Variants in CDK13 observed in about 807,000 individuals in gnomAD.
CDK13 encodes the protein cyclin dependent kinase 13, also known as cyclin-dependent kinase 13.
CDK13 carries 40 observed loss-of-function variants against 137.6 expected under a neutral mutation model. The observed-to-expected ratio is 0.29, with a 90% CI of 0.23 to 0.38. The LOEUF is 0.38. Ranked by LOEUF, CDK13 falls within the 10% of genes least tolerant of loss-of-function variation. The pLI is 1.00. For synonymous variants in CDK13, 869 were observed against 760.1 expected, an observed-to-expected ratio of 1.14 and a Z score of -2.36; for missense variants, 1,704 against 1,951.8, an observed-to-expected ratio of 0.87 and a Z score of 2.39.
intron 1 of CDK13, among the ~76,000 whole-genome samples, chr7:39,965,084 AAAG>A (rs951545663): frequency 6.6e-6 from 1 of 152,190 alleles, no homozygotes; most frequent in Non-Finnish European, 1.5e-5. Context: ...GTGGTGCTGA[AAAG>A]AATGTATATT....
At chr7:40,091,008 C>T (rs537935329) in intron 12 of CDK13, among the ~76,000 whole-genome samples, 30 of 151,164 alleles carry the variant, frequency 2.0e-4, no homozygotes, top group South Asian at 4.2e-4. Flanking sequence ...GTCAGGAGTT[C>T]GAGACCAGCC....
intron 13 of CDK13, among the ~76,000 whole-genome samples, chr7:40,093,754 T>A (rs17538300): frequency 5.9e-5 from 9 of 152,056 alleles, no homozygotes; most frequent in East Asian, 1.9e-4. Flanking sequence ...CAATTTTTTT[T>A]AATTAACTGG....
chr7:40,021,146 C>T (rs946999063), intron 5 of CDK13, among the ~76,000 whole-genome samples: 32 of 151,112 alleles, frequency 2.1e-4, no homozygotes, highest in Middle Eastern at 3.4e-3. Flanking sequence ...CACACACACA[C>T]ACACATAAAG....
intron 5 of CDK13, among the ~76,000 whole-genome samples, chr7:40,034,199 GT>G (rs1785436556): frequency 1.3e-5 from 2 of 152,150 alleles, no homozygotes; most frequent in Admixed American, 1.3e-4. Flanking sequence ...CTCCAGCTTG[GT>G]TTAGGCTTTC....
chr7:40,078,272 A>G (rs1786589877), intron 10 of CDK13, 151 bp downstream of exon 10: 1 of 436,776 alleles, frequency 2.3e-6, no homozygotes, highest in Admixed American at 4.3e-5. Flanking sequence ...CTACATGCAG[A>G]TTACCATTTT....
At chr7:40,043,898 ATTTTTTTT>A (rs3045302) in intron 5 of CDK13, among the ~76,000 whole-genome samples, 1 of 137,736 alleles carries the variant, frequency 7.3e-6, no homozygotes, top group Non-Finnish European at 1.5e-5. Flanking sequence ...ATTTTGTATA[ATTTTTTTT>A]TTTTTTTTGA....
At chr7:40,068,707 G>GAAAAAAAA in intron 9 of CDK13, among the ~76,000 whole-genome samples, 1 of 47,082 alleles carries the variant, frequency 2.1e-5, no homozygotes, top group Non-Finnish European at 3.9e-5. Context: ...CTATGTCTCA[G>GAAAAAAAA]AAAAAAAAAA....
At chr7:39,956,103 A>G in intron 1 of CDK13, among the ~76,000 whole-genome samples, 1 of 152,252 alleles carries the variant, frequency 6.6e-6, no homozygotes, top group East Asian at 1.9e-4. Flanking sequence ...TAATGAAAAA[A>G]AAACTCAAAA....
intron 9 of CDK13, among the ~76,000 whole-genome samples, chr7:40,068,668 T>C (rs1384570238): frequency 7.9e-6 from 1 of 126,500 alleles, no homozygotes; most frequent in Non-Finnish European, 1.5e-5. Context: ...ATTGTGCCAC[T>C]GCACTCCAGC....
At chr7:40,072,494 A>G (rs748871294) in intron 9 of CDK13, 1 of 152,234 alleles carries the variant, frequency 6.6e-6, no homozygotes, top group Non-Finnish European at 1.5e-5. Flanking sequence ...AATGAAGACT[A>G]CATCCTGTTA....
At chr7:40,090,802 G>T (rs1251880011) in intron 12 of CDK13, among the ~76,000 whole-genome samples, 1 of 152,214 alleles carries the variant, frequency 6.6e-6, no homozygotes, top group Admixed American at 6.5e-5. Context: ...AGCCTAGGAG[G>T]TCGAGACTGC....
chr7:39,950,357 G>A lies in CDK13; in HGVS notation c.-285G>A. 1 of 1,189,972 alleles carries A rather than the reference G, an allele frequency of 8.4e-7. No individual in the cohort carries two copies. Among genetic ancestry groups the A allele is most frequent in the Non-Finnish European group, 1.0e-6 (1 of 961,552 alleles). 73.7% of individuals were successfully genotyped at this position (1,189,972 alleles called of 1,614,324 possible). A position where few individuals can be genotyped will look rare whatever the true frequency, so the allele number is the denominator to read the frequency against. On this transcript the variant is annotated 5_prime_UTR_variant, in exon 1 of 14. Coordinates refer to ENST00000181839, the MANE Select transcript of CDK13 (RefSeq NM_003718.5). Reference sequence around the variant, plus strand: ...GGGACTCCCCCGCAGGTCAGCGCCCGGCGCATCTGGTGTTTTCGCTGCCGA... The same window carrying A: ...GGGACTCCCCCGCAGGTCAGCGCCCAGCGCATCTGGTGTTTTCGCTGCCGA...
chr7:40,096,675 C>T lies in CDK13; in HGVS notation c.*1695C>T, dbSNP rs1457974161. 4 of 151,966 alleles carry T rather than the reference C, an allele frequency of 2.6e-5. No homozygotes were observed. The South Asian group carries it at 6.2e-4, about 24-fold the overall frequency. 9.4% of individuals were successfully genotyped at this position (151,966 alleles called of 1,614,324 possible). ...AACCCTGTGCCCTCTAACTTATGAA[C>T]CTTCATTTCAAAACAGTATGTGGGA... is the stretch of plus-strand genomic sequence containing the variant. On this transcript the variant is annotated 3_prime_UTR_variant, in exon 14 of 14. Coordinates refer to ENST00000181839, the MANE Select transcript of CDK13 (RefSeq NM_003718.5).
intron 5 of CDK13, among the ~76,000 whole-genome samples, chr7:40,003,190 ACACACACACACACACACT>A (rs1340067679): frequency 1.0e-5 from 1 of 98,332 alleles, no homozygotes; most frequent in Admixed American, 1.1e-4. Flanking sequence ...ACACACACAC[ACACACACACACACACACT>A]CTCTCTCTCT....
chr7:40,006,886 T>G (rs924980268), intron 5 of CDK13, among the ~76,000 whole-genome samples: 1 of 152,112 alleles, frequency 6.6e-6, no homozygotes, highest in Non-Finnish European at 1.5e-5. Context: ...TTAAAAAAAT[T>G]CCTAAACTGA....
Position 40,078,096 on chromosome 7 carries a change from C to T in CDK13, c.2872C>T (p.Arg958Ter), listed in dbSNP as rs1786586389. 2 of 1,591,936 alleles carry T rather than the reference C, an allele frequency of 1.3e-6. No individual in the cohort carries two copies. Among genetic ancestry groups the T allele is most frequent in the South Asian group, 1.1e-5 (1 of 88,228 alleles). ...CATGAAACCAAAGAAGCAATATCGT[C>T]GAAAGTTAAGAGAAGAATTTGTTTT... ...NTMKPKKQYR[R>*]KLREEFVFIP... Residue 958 changes from arginine to a stop codon, truncating the protein, a stop_gained, in exon 10 of 14, where the codon CGA (arginine) becomes TGA (stop). Coordinates refer to ENST00000181839, the MANE Select transcript of CDK13 (RefSeq NM_003718.5). LOFTEE classifies it high-confidence loss of function.
chr7:40,052,979 CAG>C (rs1329492130), intron 7 of CDK13, among the ~76,000 whole-genome samples: 2 of 152,052 alleles, frequency 1.3e-5, no homozygotes, highest in African/African-American at 4.8e-5. Context: ...TTACTAATAA[CAG>C]ATGAATGACA....
chr7:40,070,895 A>G (rs1269373974), intron 9 of CDK13: 1 of 152,182 alleles, frequency 6.6e-6, no homozygotes, highest in Non-Finnish European at 1.5e-5. Flanking sequence ...GAGCCTTTAT[A>G]TCACACAATG....
chr7:40,094,903 C>G lies in CDK13; in HGVS notation c.4462C>G (p.Pro1488Ala), dbSNP rs2150548978. The change falls in exon 14 of 14, where the codon CCT (proline) becomes GCT (alanine). Residue 1488 changes from proline to alanine, a missense_variant. Around this residue, in one of 5 missense-constraint regions of CDK13, gnomAD observed 475 missense variants for 579.3 expected, o/e 0.82. Transcript: ENST00000181839. ...GQTWTSPAQG[P>A]GYSQGYRGHI... ...GACCTGGACTTCTCCTGCCCAAGGA[C>G]CTGGATATTCACAAGGATACAGGGG... 1 of 1,506,998 alleles carries G rather than the reference C, an allele frequency of 6.6e-7. No homozygotes were observed. The highest frequency in any genetic ancestry group is 2.3e-5 in the East Asian group (1 of 43,666). The allele number at this position is 1,506,998 out of a possible 1,614,324, so 93.4% of individuals were successfully genotyped here.
Sources: allele counts gnomAD v4.1 joint callset (sites outside exome capture counted in the v4.1 genomes callset), GRCh38; gene constraint gnomAD v4.1.1; regional missense constraint gnomAD v4.1.1; transcripts MANE v1.5; gene names NCBI Gene and HGNC (gene_info 2026-07-23, HGNC 2026-07-21).